Variants in KIAA1671 observed in about 807,000 individuals in gnomAD.
KIAA1671 encodes the protein uncharacterized protein KIAA1671.
In KIAA1671, 52 loss-of-function variants were observed where a neutral mutation model predicts 131.2. The observed-to-expected ratio is 0.40, with a 90% CI of 0.32 to 0.50. The LOEUF is 0.50. KIAA1671 is among the 20% of genes least tolerant of loss of function. The probability of loss-of-function intolerance (pLI) is 0.73; values close to 1 mark genes in which losing one functional copy is unlikely to be tolerated. For missense variants in KIAA1671, 2,360 were observed against 2,364.2 expected (o/e 1.00, Z 0.04); for synonymous variants, 1,003 against 961.6 (o/e 1.04, Z -0.80).
chr22:25,001,215 GT>G (rs1463609924), intron 1 of KIAA1671, among the ~76,000 whole-genome samples: 1 of 131,120 alleles, frequency 7.6e-6, no homozygotes, highest in African/African-American at 2.9e-5. Flanking sequence ...GTATGTATGT[GT>G]ATATATGTAT....
At chr22:25,085,495 G>T (rs1222981387) in intron 6 of KIAA1671, among the ~76,000 whole-genome samples, 1 of 150,146 alleles carries the variant, frequency 6.7e-6, no homozygotes, top group African/African-American at 2.4e-5. Context: ...CCAGTGTGCT[G>T]AGGGGCCCCC....
rs2145806216 is a variant in KIAA1671 at position 25,040,302 on chromosome 22, A to G, written c.3172A>G (p.Ile1058Val). 1.8e-5 allele frequency: 28 copies of G among 1,551,702 alleles called. No individual in the cohort carries two copies. The East Asian group carries it at 6.8e-4, about 38-fold the overall frequency. ...AESLLEHSRK[I>V]TPPSSPHSLT... ...AAGCTTGCTGGAACATTCTAGAAAA[A>G]TCACTCCACCCTCGTCTCCTCATTC... The change falls in exon 5 of 13, where the codon ATC (isoleucine) becomes GTC (valine). Residue 1058 changes from isoleucine to valine, a missense_variant. This residue lies in a region of KIAA1671 where 1,161 missense variants were observed against 1,204.7 expected (regional missense o/e 0.96). Transcript: ENST00000358431.
intron 6 of KIAA1671, chr22:25,063,468 C>T (rs1478295118): frequency 6.6e-6 from 1 of 152,022 alleles, no homozygotes; most frequent in African/African-American, 2.4e-5. Flanking sequence ...AATGGAAAAC[C>T]AAATATTATA....
intron 1 of KIAA1671, chr22:25,013,403 T>A (rs1477958911): frequency 1.3e-5 from 2 of 152,214 alleles, no homozygotes; most frequent in Non-Finnish European, 2.9e-5. Flanking sequence ...CTTGAATACC[T>A]TGCCCAAGGC....
intron 9 of KIAA1671, chr22:25,179,357 C>T: frequency 6.2e-7 from 1 of 1,600,078 alleles, no homozygotes; most frequent in Non-Finnish European, 8.5e-7. Flanking sequence ...GCACCTCGGC[C>T]GCGTGCAGCT....
chr22:25,042,150 T>TGA (rs1221134000), intron 5 of KIAA1671, among the ~76,000 whole-genome samples: 4 of 152,154 alleles, frequency 2.6e-5, no homozygotes, highest in African/African-American at 9.7e-5. Context: ...CATTAGGAAA[T>TGA]GAGGAGGACT....
intron 6 of KIAA1671, among the ~76,000 whole-genome samples, chr22:25,167,108 G>T (rs1933671550): frequency 6.6e-6 from 1 of 152,188 alleles, no homozygotes; most frequent in East Asian, 1.9e-4. Flanking sequence ...TGCGTCCCAG[G>T]GAGAATTCTG....
intron 6 of KIAA1671, among the ~76,000 whole-genome samples, chr22:25,101,301 G>A (rs1042391872): frequency 2.6e-5 from 4 of 152,186 alleles, no homozygotes; most frequent in Non-Finnish European, 5.9e-5. Flanking sequence ...TTGCAGCCTT[G>A]TAAGAGGCCT....
chr22:25,111,151 C>T (rs1259150880), intron 6 of KIAA1671, among the ~76,000 whole-genome samples: 1 of 152,218 alleles, frequency 6.6e-6, no homozygotes, highest in African/African-American at 2.4e-5. Context: ...CAAGACGCTG[C>T]CTGTAACCTT....
intron 6 of KIAA1671, among the ~76,000 whole-genome samples, chr22:25,121,301 A>G (rs1253709565): frequency 6.6e-6 from 1 of 151,988 alleles, no homozygotes; most frequent in Non-Finnish European, 1.5e-5. Flanking sequence ...TCTCTACTAA[A>G]AATACAAAAA....
chr22:25,060,814 G>A (rs914723014), intron 6 of KIAA1671: 6 of 137,024 alleles, frequency 4.4e-5, no homozygotes, highest in Non-Finnish European at 9.3e-5. Flanking sequence ...GATGGAGACG[G>A]TCTATTTTCC....
chr22:24,991,274 C>T (rs574745851), intron 1 of KIAA1671, among the ~76,000 whole-genome samples: 65 of 151,692 alleles, frequency 4.3e-4, no homozygotes, highest in African/African-American at 5.4e-4. Context: ...CCACCCACTT[C>T]GGCCTCCCAA....
intron 1 of KIAA1671, among the ~76,000 whole-genome samples, chr22:25,000,215 A>C (rs1602056741): frequency 4.2e-5 from 1 of 23,772 alleles, no homozygotes; most frequent in Non-Finnish European, 6.5e-5. Flanking sequence ...TTTTTTTGAG[A>C]CGGAGTCTCG....
At chr22:25,170,382 G>T (rs1319181872) in intron 6 of KIAA1671, among the ~76,000 whole-genome samples, 2 of 152,224 alleles carry the variant, frequency 1.3e-5, no homozygotes, top group Non-Finnish European at 2.9e-5. Flanking sequence ...TCTGTCTGGT[G>T]ATGCGGTTGG....
In KIAA1671 at chr22:25,028,300, C is replaced by A; in HGVS notation, c.301C>A (p.Pro101Thr). Residue 101 changes from proline to threonine, a missense_variant, in exon 3 of 13, where the codon CCA becomes ACA. By Grantham distance (38) the Pro-to-Thr change is conservative. Around this residue, in one of 3 missense-constraint regions of KIAA1671, gnomAD observed 1,185 missense variants for 1,126.2 expected, o/e 1.05. Transcript: ENST00000358431. ...CCCCTCTGGGGGGCTCTCTGAGGAGCCAGCAGCAAAGGATCTGGACAACAG... is the reference window on the plus strand; with the variant it reads ...CCCCTCTGGGGGGCTCTCTGAGGAGACAGCAGCAAAGGATCTGGACAACAG... The part of the protein sequence containing the change: ...PSPSGGLSEE[P>T]AAKDLDNRMP... 6.4e-7 allele frequency: 1 copy of A among 1,551,222 alleles called. No individual in the cohort carries two copies. The highest frequency in any genetic ancestry group is 8.7e-7 in the Non-Finnish European group (1 of 1,147,004).
intron 6 of KIAA1671, among the ~76,000 whole-genome samples, chr22:25,135,709 C>T (rs1490950576): frequency 2.0e-5 from 3 of 152,220 alleles, no homozygotes; most frequent in Admixed American, 6.5e-5. Flanking sequence ...ACGTGGCTGT[C>T]TGGTGGGTGT....
At chr22:25,177,581 C>CCTG in intron 9 of KIAA1671, 59 bp downstream of exon 9, 1 of 1,423,048 alleles carries the variant, frequency 7.0e-7, no homozygotes, top group Non-Finnish European at 9.4e-7. Context: ...AGGATTTAGA[C>CCTG]TAAGCCCTAT....
intron 6 of KIAA1671, among the ~76,000 whole-genome samples, chr22:25,092,757 C>A (rs1474736747): frequency 6.6e-6 from 1 of 152,174 alleles, no homozygotes; most frequent in African/African-American, 2.4e-5. Context: ...GCCCGAATAA[C>A]AGGCGAGTGG....
At chr22:25,034,304 CAA>C (rs1445331359) in intron 4 of KIAA1671, among the ~76,000 whole-genome samples, 1 of 152,094 alleles carries the variant, frequency 6.6e-6, no homozygotes, top group Admixed American at 6.5e-5. Flanking sequence ...CCTCGGCCTC[CAA>C]AAGTGCTGGG....
Sources: gnomAD v4.1 joint callset for allele counts (sites outside exome capture counted in the v4.1 genomes callset) on GRCh38, gnomAD v4.1.1 for gene constraint, gnomAD v4.1.1 regional missense constraint, MANE v1.5 for transcripts, NCBI Gene and HGNC (gene_info 2026-07-23, HGNC 2026-07-21) for gene names.